Variants in MAP3K13 observed in about 807,000 individuals in gnomAD.
MAP3K13 encodes leucine zipper-bearing kinase.
A neutral mutation model predicts 104.0 loss-of-function variants in MAP3K13; 52 were observed. That is an observed-to-expected ratio of 0.50 (90% CI 0.40 to 0.63). MAP3K13 has a LOEUF of 0.63. MAP3K13 is among the 20% of genes least tolerant of loss of function. MAP3K13 has a pLI of 0.00. For missense variants in MAP3K13, 914 were observed against 1,218.5 expected (o/e 0.75, Z 3.72); for synonymous variants, 394 against 442.2 (o/e 0.89, Z 1.37).
intron 2 of MAP3K13, among the ~76,000 whole-genome samples, chr3:185,334,400 G>A (rs1015724889): frequency 3.9e-5 from 6 of 152,038 alleles, no homozygotes; most frequent in East Asian, 3.9e-4. Flanking sequence ...CTTATAATAC[G>A]TGACTTGAAC....
Position 185,473,342 on chromosome 3 carries a change from A to C in MAP3K13, c.2011A>C (p.Arg671=), listed in dbSNP as rs1717918639. ...CATAGCAACCTGCGCCAACAACCTG[A>C]GGTATTTCGGCCCAGCAGCAGCCCT... ...QDIATCANNL[R]YFGPAAALRS... The change falls in exon 11 of 14, where the codon AGG becomes CGG. Residue 671 remains arginine (R), a synonymous_variant. Transcript: ENST00000265026. This position sits in a 1 kb window ranked among gnomAD's most constrained non-coding sequence, Gnocchi z 4.9. The C allele has an allele frequency of 6.2e-7, 1 of 1,614,122 alleles. No homozygotes were observed. The highest frequency in any genetic ancestry group is 2.2e-5 in the East Asian group (1 of 44,878).
At position 185,466,924 on chromosome 3, in the gene MAP3K13, G is replaced by A. The variant is rs773450302; in HGVS notation, c.1604G>A (p.Arg535Lys). ...HPNAMEKLMK[R>K]KGVPHKSGMQ... The stretch of plus-strand genomic sequence containing the variant: ...AATGCCATGGAGAAACTCATGAAAA[G>A]GAAAGGAGTGCCTCACAAATCTGGG... The change falls in exon 10 of 14, where the codon AGG (arginine) becomes AAG (lysine). Residue 535 changes from arginine to lysine, a missense_variant. By Grantham distance (26) the Arg-to-Lys change is conservative (BLOSUM62 2). This residue lies in a region of MAP3K13 where 583 missense variants were observed against 737.4 expected (regional missense o/e 0.79). Coordinates refer to ENST00000265026, the MANE Select transcript of MAP3K13 (RefSeq NM_004721.5). The A allele has an allele frequency of 1.2e-6, 2 of 1,613,956 alleles. No individual in the cohort carries two copies. The highest frequency in any genetic ancestry group is 1.7e-4 in the Middle Eastern group (1 of 6,056).
chr3:185,463,499 C>A, intron 7 of MAP3K13, 51 bp from the exon 8 acceptor site: 1 of 1,055,136 alleles, frequency 9.5e-7, no homozygotes, highest in Non-Finnish European at 1.5e-6. Context: ...ATGGATATAT[C>A]AGGGATTGAA....
chr3:185,463,479 A>C, intron 7 of MAP3K13, 71 bp from the exon 8 acceptor site: 1 of 841,980 alleles, frequency 1.2e-6, no homozygotes, highest in East Asian at 2.5e-5. Flanking sequence ...AAAATCTTGT[A>C]CGTGACTTTA....
intron 2 of MAP3K13, chr3:185,292,800 G>C: frequency 2.0e-6 from 2 of 985,298 alleles, no homozygotes; most frequent in Non-Finnish European, 2.4e-6. Context: ...CTAATTCTAA[G>C]AAGGAGCACG....
At chr3:185,443,299 T>A in intron 3 of MAP3K13, 146 bp from the exon 4 acceptor site, 1 of 588,392 alleles carries the variant, frequency 1.7e-6, no homozygotes, top group Non-Finnish European at 2.9e-6. Flanking sequence ...GAAGTTTCCA[T>A]GCTAATTTGA....
At chr3:185,327,896 A>G (rs1036035155) in intron 2 of MAP3K13, among the ~76,000 whole-genome samples, 1 of 141,798 alleles carries the variant, frequency 7.1e-6, no homozygotes, top group Non-Finnish European at 1.6e-5. Flanking sequence ...GGGACAACAG[A>G]GTGAGACTCT....
chr3:185,384,159 C>CT (rs745624468), intron 1 of MAP3K13, among the ~76,000 whole-genome samples: 4 of 151,868 alleles, frequency 2.6e-5, no homozygotes, highest in Non-Finnish European at 5.9e-5. Context: ...ATGAGGTCAA[C>CT]TTTTTTTTAG....
chr3:185,467,074 G>A, intron 10 of MAP3K13, 111 bp downstream of exon 10: 4 of 1,215,410 alleles, frequency 3.3e-6, no homozygotes, highest in Non-Finnish European at 4.7e-6. Flanking sequence ...TCAGATGACT[G>A]TAGAGATACT....
At chr3:185,414,076 G>A (rs1166071524) in intron 1 of MAP3K13, among the ~76,000 whole-genome samples, 3 of 152,082 alleles carry the variant, frequency 2.0e-5, no homozygotes, top group Non-Finnish European at 4.4e-5. Flanking sequence ...CTCTGGTGCT[G>A]GAGTGGAACT....
intron 7 of MAP3K13, among the ~76,000 whole-genome samples, chr3:185,453,958 G>GAT (rs538304579): frequency 2.5e-5 from 1 of 40,764 alleles, no homozygotes; most frequent in African/African-American, 6.5e-5. Flanking sequence ...ATATATATGA[G>GAT]ATATATATGA....
intron 1 of MAP3K13, among the ~76,000 whole-genome samples, chr3:185,366,003 T>C (rs1479222188): frequency 6.8e-6 from 1 of 146,502 alleles, no homozygotes; most frequent in East Asian, 2.0e-4. Flanking sequence ...TTAATGGTTT[T>C]TAGTATGTTC....
chr3:185,462,501 G>A (rs1389936826), intron 7 of MAP3K13, among the ~76,000 whole-genome samples: 1 of 152,178 alleles, frequency 6.6e-6, no homozygotes, highest in Non-Finnish European at 1.5e-5. Context: ...GGCCGGGTGC[G>A]GTGGCTCATG....
rs147750425 is a variant in MAP3K13, at chr3:185,413,538, G to A, written c.-85-14959G>A. On this transcript the variant is annotated intron_variant, in intron 1 of 13. Coordinates refer to ENST00000265026, the MANE Select transcript of MAP3K13 (RefSeq NM_004721.5). ...AGAGTTTTAATGTTAAAAACAGAATGGGGCTGGGCGCGGTGGTTCACACCT... is the reference window on the plus strand; with the variant it reads ...AGAGTTTTAATGTTAAAAACAGAATAGGGCTGGGCGCGGTGGTTCACACCT... Among the ~76,000 whole-genome samples the A allele has an allele frequency of 2.8e-3, 421 of 152,146 alleles. 1 individual carries two copies. The highest frequency in any genetic ancestry group is 9.8e-3 in the African/African-American group (409 of 41,542).
intron 1 of MAP3K13, among the ~76,000 whole-genome samples, chr3:185,384,942 T>TA (rs1356592263): frequency 2.6e-5 from 4 of 152,220 alleles, no homozygotes; most frequent in Non-Finnish European, 5.9e-5. Flanking sequence ...TAGAAGTTTT[T>TA]AAATTCAGTG....
At chr3:185,420,360 C>G (rs1247958579) in intron 1 of MAP3K13, among the ~76,000 whole-genome samples, 1 of 152,156 alleles carries the variant, frequency 6.6e-6, no homozygotes, top group Admixed American at 6.5e-5. Context: ...CTAATGTTTT[C>G]AAAGTTCAAA....
chr3:185,301,085 G>A (rs1269980106), intron 2 of MAP3K13, among the ~76,000 whole-genome samples: 1 of 149,048 alleles, frequency 6.7e-6, no homozygotes, highest in African/African-American at 2.5e-5. Context: ...GAGACTCCAA[G>A]TACTCTACAT....
intron 1 of MAP3K13, among the ~76,000 whole-genome samples, chr3:185,398,519 A>G (rs1043860218): frequency 1.2e-4 from 18 of 152,260 alleles, no homozygotes; most frequent in African/African-American, 4.1e-4. Context: ...CCCCTACAAG[A>G]TATTACCATA....
In MAP3K13 at chr3:185,488,862, TTATTAC is replaced by T. The variant is rs1372099375; in HGVS notation, c.*6407_*6412del. On this transcript the variant is annotated 3_prime_UTR_variant, in exon 14 of 14. Transcript: ENST00000265026. The stretch of plus-strand genomic sequence containing the variant: ...AAGTGGGAAGACCCTCTTTGACGCT[TTATTAC>T]AGTAATTTGAGCTCCTATCGACTTG... The T allele has an allele frequency of 6.6e-6, 1 of 152,204 alleles. No homozygotes were observed. The allele number at this position is 152,204 out of a possible 1,614,324, so 9.4% of individuals were successfully genotyped here.
Sources: gnomAD v4.1 joint callset for allele counts (sites outside exome capture counted in the v4.1 genomes callset) on GRCh38, gnomAD v4.1.1 for gene constraint, gnomAD v4.1.1 regional missense constraint, Gnocchi (gnomAD v3.1) non-coding constraint, MANE v1.5 for transcripts, NCBI Gene and HGNC (gene_info 2026-07-23, HGNC 2026-07-21) for gene names.